Variants in HSPA12A observed in about 807,000 individuals in gnomAD.
HSPA12A encodes heat shock 70 kDa protein 12A.
In HSPA12A, 28 loss-of-function variants were observed where a neutral mutation model predicts 69.2. The observed-to-expected ratio is 0.40, with a 90% CI of 0.30 to 0.55. The LOEUF (loss-of-function observed/expected upper bound fraction) is 0.55, where lower values mean the gene tolerates loss of function less well. HSPA12A is among the 20% of genes least tolerant of loss of function. The pLI, the probability that HSPA12A is intolerant of heterozygous loss-of-function variation, is 0.38. For synonymous variants in HSPA12A, 345 were observed against 370.5 expected (o/e 0.93, Z 0.79); for missense variants, 686 against 900.7 (o/e 0.76, Z 3.05).
chr10:116,736,204 C>T (rs1284677190), intron 1 of HSPA12A, among the ~76,000 whole-genome samples: 2 of 152,004 alleles, frequency 1.3e-5, no homozygotes, highest in African/African-American at 4.8e-5. Flanking sequence ...CTAAATCAGC[C>T]CTAAAAGTAA....
At chr10:116,772,231 G>C (rs1370614450) in intron 2 of HSPA12A, among the ~76,000 whole-genome samples, 3 of 152,162 alleles carry the variant, frequency 2.0e-5, no homozygotes, top group African/African-American at 7.2e-5. Flanking sequence ...GCTGGGGCAG[G>C]GGGTACTGTG....
At position 116,778,756 on chromosome 10, in the gene HSPA12A, G is replaced by A. The variant is rs1033155745; in HGVS notation, c.91+56179C>T. 3.3e-5 allele frequency among the ~76,000 whole-genome samples: 5 copies of A among 152,168 alleles called. No homozygotes were observed. In the South Asian group the frequency reaches 6.2e-4, roughly 19 times the overall value. On this transcript the variant is annotated intron_variant, in intron 2 of 12. Coordinates refer to the HSPA12A transcript ENST00000635765. ...CAGCTTGGATGGCATGATGGGACCC[G>A]CTATGAAAAATAAAACAAAATAAAA...
intron 5 of HSPA12A, among the ~76,000 whole-genome samples, chr10:116,697,798 T>G (rs2420327): frequency 2.0e-5 from 3 of 151,602 alleles, no homozygotes; most frequent in Non-Finnish European, 4.4e-5. Context: ...TCATCACTCC[T>G]CAAAGAAACT....
chr10:116,759,882 A>G (rs868993168), intron 2 of HSPA12A, among the ~76,000 whole-genome samples: 1 of 152,154 alleles, frequency 6.6e-6, no homozygotes, highest in Non-Finnish European at 1.5e-5. Context: ...ATGGTTTAAT[A>G]AAGAGGAGTT....
At chr10:116,730,974 C>G (rs948564128) in intron 1 of HSPA12A, among the ~76,000 whole-genome samples, 5 of 152,222 alleles carry the variant, frequency 3.3e-5, no homozygotes, top group African/African-American at 1.2e-4. Context: ...CTTGGACAGG[C>G]AGGAATCAGT....
chr10:116,701,783 G>A (rs541488753), intron 3 of HSPA12A, among the ~76,000 whole-genome samples: 1 of 152,310 alleles, frequency 6.6e-6, no homozygotes, highest in African/African-American at 2.4e-5. Flanking sequence ...TGTGAAAATG[G>A]GAAGGGTGAG....
chr10:116,747,085 C>T (rs2133080005), upstream of HSPA12A, among the ~76,000 whole-genome samples: 1 of 152,346 alleles, frequency 6.6e-6, no homozygotes, highest in Middle Eastern at 3.4e-3. Context: ...AAAAAGCCAG[C>T]CTTACAGCTG....
intron 2 of HSPA12A, among the ~76,000 whole-genome samples, chr10:116,792,259 CAAAAAAAAA>C (rs55642476): frequency 6.6e-5 from 4 of 61,004 alleles, no homozygotes; most frequent in Non-Finnish European, 8.7e-5. Context: ...AACTCGGTCT[CAAAAAAAAA>C]AAAAAAAAAA....
intron 2 of HSPA12A, among the ~76,000 whole-genome samples, chr10:116,810,160 T>A (rs1845148852): frequency 4.6e-5 from 7 of 152,236 alleles, no homozygotes; most frequent in Admixed American, 4.6e-4. Flanking sequence ...GTTTTCCCCC[T>A]GGTTTAGCCT....
chr10:116,692,225 AGCC>A, intron 6 of HSPA12A, 123 bp downstream of exon 6: 2 of 689,002 alleles, frequency 2.9e-6, no homozygotes, highest in Non-Finnish European at 5.0e-6. Flanking sequence ...TGGCTAGGGG[AGCC>A]TCCTTGCTGC....
intron 1 of HSPA12A, among the ~76,000 whole-genome samples, chr10:116,712,045 G>C (rs1022593616): frequency 1.3e-5 from 2 of 152,094 alleles, no homozygotes; most frequent in African/African-American, 4.8e-5. Context: ...TAAGCGGAAG[G>C]GGAAGAGACC....
intron 2 of HSPA12A, among the ~76,000 whole-genome samples, chr10:116,706,672 C>T (rs1015830417): frequency 6.6e-6 from 1 of 152,186 alleles, no homozygotes; most frequent in Admixed American, 6.5e-5. Context: ...TCATACAGGG[C>T]AGGGTGGGAG....
chr10:116,691,702 G>T (rs929307694), intron 6 of HSPA12A, among the ~76,000 whole-genome samples: 1 of 152,212 alleles, frequency 6.6e-6, no homozygotes, highest in Admixed American at 6.5e-5. Context: ...CACAGCAGCC[G>T]CCCCTAGTGC....
intron 2 of HSPA12A, among the ~76,000 whole-genome samples, chr10:116,805,627 C>A (rs1845052315): frequency 6.6e-6 from 1 of 152,154 alleles, no homozygotes; most frequent in African/African-American, 2.4e-5. Context: ...AAAACAAATT[C>A]ACCTGTCACT....
intron 1 of HSPA12A, among the ~76,000 whole-genome samples, chr10:116,720,013 G>A (rs782809381): frequency 9.2e-5 from 14 of 152,324 alleles, no homozygotes; most frequent in South Asian, 2.1e-4. Flanking sequence ...ATGAATAGGA[G>A]TTTCTTCCCA....
At chr10:116,799,852 A>T (rs1455800771) in intron 2 of HSPA12A, among the ~76,000 whole-genome samples, 1 of 152,234 alleles carries the variant, frequency 6.6e-6, no homozygotes, top group African/African-American at 2.4e-5. Flanking sequence ...GTGAGAACTC[A>T]TAGGCCAGGC....
Position 116,697,669 on chromosome 10 carries a change from T to C in HSPA12A, c.546+966A>G, listed in dbSNP as rs186128491. On this transcript the variant is annotated intron_variant, in intron 5 of 11. Coordinates refer to ENST00000369209, the MANE Select transcript of HSPA12A (RefSeq NM_025015.3). ...ACAGCTGCTAAGTATGTTTCCTGCC[T>C]CTCTTTTTGTTTTACTCAGATATAA... Among the ~76,000 whole-genome samples the C allele has an allele frequency of 1.5e-3, 233 of 152,314 alleles. 1 individual carries two copies. Among genetic ancestry groups the C allele is most frequent in the Middle Eastern group, 6.8e-3 (2 of 294 alleles).
At chr10:116,761,283 C>T (rs1017093924) in intron 2 of HSPA12A, among the ~76,000 whole-genome samples, 6 of 151,988 alleles carry the variant, frequency 3.9e-5, no homozygotes, top group South Asian at 2.1e-4. Flanking sequence ...GTTAGGAGTT[C>T]GAGGCCAGAC....
intron 1 of HSPA12A, among the ~76,000 whole-genome samples, chr10:116,837,086 G>A (rs1373057885): frequency 6.6e-6 from 1 of 152,172 alleles, no homozygotes; most frequent in East Asian, 1.9e-4. Context: ...GTGACACACT[G>A]TGGGAACGGG....
Sources: allele counts gnomAD v4.1 joint callset (sites outside exome capture counted in the v4.1 genomes callset), GRCh38; gene constraint gnomAD v4.1.1; transcripts MANE v1.5; gene names NCBI Gene and HGNC (gene_info 2026-07-23, HGNC 2026-07-21).